DHRSX: variants seen among roughly 807,000 people sequenced by gnomAD.
DHRSX encodes polyprenol dehydrogenase.
In DHRSX, 31 loss-of-function variants were observed where a neutral mutation model predicts 34.0. The ratio of observed to expected loss-of-function variants is 0.91; its 90% confidence interval spans 0.69 to 1.23. The LOEUF is 1.23. Ranked by LOEUF, DHRSX falls within the 50% of genes most tolerant of loss-of-function variation. The pLI is 0.00. For synonymous variants in DHRSX, 201 were observed against 183.8 expected (o/e 1.09, Z -0.76); for missense variants, 414 against 428.1 (o/e 0.97, Z 0.29).
chrX:2,441,625 C>T (rs1218745268), intron 1 of DHRSX, among the ~76,000 whole-genome samples: 1 of 152,156 alleles, frequency 6.6e-6, no homozygotes, highest in African/African-American at 2.4e-5. Context: ...AGAATTCCCT[C>T]TTCCTTGGAG....
At chrX:2,244,233 A>C (rs2016224648) in intron 5 of DHRSX, among the ~76,000 whole-genome samples, 1 of 152,120 alleles carries the variant, frequency 6.6e-6, no homozygotes, top group Admixed American at 6.6e-5. Flanking sequence ...CAGTTTAGAG[A>C]AATGTTTTAG....
At chrX:2,234,884 T>C (rs1019361992) in intron 6 of DHRSX, among the ~76,000 whole-genome samples, 51 of 152,104 alleles carry the variant, frequency 3.4e-4, no homozygotes, top group Non-Finnish European at 6.9e-4. Context: ...CTAATTTTTG[T>C]ATTTTTAGTA....
intron 1 of DHRSX, among the ~76,000 whole-genome samples, chrX:2,466,176 T>TTA (rs2044493039): frequency 6.6e-6 from 1 of 152,186 alleles, no homozygotes; most frequent in Non-Finnish European, 1.5e-5. Flanking sequence ...TGGCGGCGCA[T>TTA]GCCTGTAATC....
intron 1 of DHRSX, among the ~76,000 whole-genome samples, chrX:2,466,015 T>C (rs1173234369): frequency 6.6e-6 from 1 of 152,140 alleles, no homozygotes; most frequent in Non-Finnish European, 1.5e-5. Flanking sequence ...CATTCACTGC[T>C]TTTATGCACA....
chrX:2,461,271 G>A (rs1195596421), intron 1 of DHRSX, among the ~76,000 whole-genome samples: 1 of 152,144 alleles, frequency 6.6e-6, no homozygotes, highest in African/African-American at 2.4e-5. Flanking sequence ...ACACCCCAGG[G>A]TAAGAACGCA....
At chrX:2,249,602 C>A (rs980214223) in intron 5 of DHRSX, among the ~76,000 whole-genome samples, 12 of 141,144 alleles carry the variant, frequency 8.5e-5, no homozygotes, top group East Asian at 4.3e-4. Context: ...CAGCTCACTG[C>A]GACCTCCACC....
intron 3 of DHRSX, among the ~76,000 whole-genome samples, chrX:2,401,614 T>C (rs1207338120): frequency 6.6e-6 from 1 of 152,002 alleles, no homozygotes; most frequent in Admixed American, 6.6e-5. Flanking sequence ...CTTTTAAGAG[T>C]GTTTAACTGG....
intron 3 of DHRSX, among the ~76,000 whole-genome samples, chrX:2,349,764 G>A (rs1247310449): frequency 6.6e-6 from 1 of 152,116 alleles, no homozygotes; most frequent in Non-Finnish European, 1.5e-5. Flanking sequence ...TAATTGGGCT[G>A]AGCAAGGTGG....
chrX:2,498,883 C>T (rs2045345986), intron 1 of DHRSX, among the ~76,000 whole-genome samples: 1 of 152,174 alleles, frequency 6.6e-6, no homozygotes, highest in Non-Finnish European at 1.5e-5. Flanking sequence ...TTCAAACAAA[C>T]ATGCTCTCCT....
intron 3 of DHRSX, among the ~76,000 whole-genome samples, chrX:2,380,221 G>A (rs1266143591): frequency 6.9e-6 from 1 of 145,654 alleles, no homozygotes; most frequent in South Asian, 2.2e-4. Context: ...CTTGAACCGG[G>A]ACCCAGGAGG....
chrX:2,498,201 G>C (rs937110358), intron 1 of DHRSX, among the ~76,000 whole-genome samples: 9 of 152,090 alleles, frequency 5.9e-5, no homozygotes, highest in Admixed American at 4.6e-4. Context: ...TCCTTTGTAC[G>C]ATACCTAAGA....
intron 3 of DHRSX, among the ~76,000 whole-genome samples, chrX:2,336,608 T>TG (rs1054490037): frequency 7.9e-5 from 12 of 151,732 alleles, no homozygotes; most frequent in African/African-American, 1.5e-4. Context: ...TGTTTTGTTT[T>TG]TTTTTTTTGA....
intron 1 of DHRSX, among the ~76,000 whole-genome samples, chrX:2,446,078 T>G (rs2044129846): frequency 6.6e-6 from 1 of 151,118 alleles, no homozygotes; most frequent in African/African-American, 2.4e-5. Flanking sequence ...ATGTACACAC[T>G]GAAGATGTTC....
At position 2,236,973 on chromosome X, in the gene DHRSX, G is replaced by A. The variant is rs372173189; in HGVS notation, c.804+6050C>T. 1.5e-4 allele frequency among the ~76,000 whole-genome samples: 23 copies of A among 152,012 alleles called. No homozygotes were observed. The East Asian group carries it at 3.5e-3, about 23-fold the overall frequency. On this transcript the variant is annotated intron_variant, in intron 6 of 6. Transcript: ENST00000334651. Reference sequence around the variant, plus strand: ...GCAGGCCGAGGCAGGCGGCTCACTCGAGACTGTGAGTTCGAGATCAGCCTG... The same window carrying A: ...GCAGGCCGAGGCAGGCGGCTCACTCAAGACTGTGAGTTCGAGATCAGCCTG...
intron 1 of DHRSX, among the ~76,000 whole-genome samples, chrX:2,440,498 A>G (rs1005191982): frequency 6.6e-6 from 1 of 150,848 alleles, no homozygotes; most frequent in African/African-American, 2.4e-5. Context: ...TGCCGCATCC[A>G]GCTCATTTCT....
chrX:2,343,006 C>T (rs2042659127), intron 3 of DHRSX, among the ~76,000 whole-genome samples: 2 of 152,176 alleles, frequency 1.3e-5, no homozygotes, highest in South Asian at 2.1e-4. Context: ...GATTAAAAAC[C>T]GCCTAAATCC....
chrX:2,364,154 T>C (rs1317859377), intron 3 of DHRSX, among the ~76,000 whole-genome samples: 1 of 152,150 alleles, frequency 6.6e-6, no homozygotes, highest in Non-Finnish European at 1.5e-5. Context: ...CATTGAATGG[T>C]AGTAGGCACA....
Position 2,337,026 on chromosome X carries a change from G to A in DHRSX, c.287-45423C>T, listed in dbSNP as rs867989045. 3.5e-4 allele frequency among the ~76,000 whole-genome samples: 54 copies of A among 152,134 alleles called. 1 individual carries two copies. Among genetic ancestry groups the A allele is most frequent in the Middle Eastern group, 3.4e-3 (1 of 294 alleles). The stretch of plus-strand genomic sequence containing the variant: ...TCGCCATGTTGGCCAGGCTGGTCTT[G>A]AACTCCTGACATCATGATCCACCCA... On this transcript the variant is annotated intron_variant, in intron 3 of 6. Coordinates refer to ENST00000334651, the MANE Select transcript of DHRSX (RefSeq NM_145177.3).
intron 1 of DHRSX, among the ~76,000 whole-genome samples, chrX:2,481,887 A>G (rs1162297197): frequency 6.6e-6 from 1 of 152,138 alleles, no homozygotes; most frequent in Non-Finnish European, 1.5e-5. Context: ...CTCCCCATGG[A>G]ACTCCAAAAA....
Sources: allele counts gnomAD v4.1 joint callset (sites outside exome capture counted in the v4.1 genomes callset), GRCh38; gene constraint gnomAD v4.1.1; transcripts MANE v1.5; gene names NCBI Gene and HGNC (gene_info 2026-07-23, HGNC 2026-07-21).